Variants in ZBTB40 observed in about 807,000 individuals in gnomAD.
The protein encoded by ZBTB40 is zinc finger and BTB domain-containing protein 40.
In ZBTB40, 60 loss-of-function variants were observed where a neutral mutation model predicts 117.5. The ratio of observed to expected loss-of-function variants is 0.51; its 90% confidence interval spans 0.41 to 0.63. ZBTB40 has a LOEUF of 0.63. ZBTB40 is among the 30% of genes least tolerant of loss of function. The pLI is 0.00. For synonymous variants in ZBTB40, 525 were observed against 577.1 expected, an observed-to-expected ratio of 0.91 and a Z score of 1.29; for missense variants, 1,287 against 1,498.5, an observed-to-expected ratio of 0.86 and a Z score of 2.33.
chr1:22,444,306 G>C (rs1640765172), intron 1 of ZBTB40, among the ~76,000 whole-genome samples: 1 of 152,116 alleles, frequency 6.6e-6, no homozygotes, highest in Non-Finnish European at 1.5e-5. Flanking sequence ...TGTAGTCCTA[G>C]CTACTTGGGA....
intron 12 of ZBTB40, among the ~76,000 whole-genome samples, chr1:22,515,547 C>T (rs1219566417): frequency 2.0e-5 from 3 of 152,168 alleles, no homozygotes; most frequent in East Asian, 1.9e-4. Flanking sequence ...AGCCCCTAGA[C>T]GTTGCCCGCA....
intron 1 of ZBTB40, among the ~76,000 whole-genome samples, chr1:22,488,255 TA>T (rs1213900995): frequency 1.3e-5 from 2 of 152,202 alleles, no homozygotes; most frequent in African/African-American, 4.8e-5. Context: ...CAGCAGGTGA[TA>T]AAATTAAGTT....
chr1:22,490,153 G>A lies in ZBTB40; in HGVS notation c.205G>A (p.Glu69Lys). 2.5e-6 allele frequency: 4 copies of A among 1,614,034 alleles called. No individual in the cohort carries two copies. Among genetic ancestry groups the A allele is most frequent in the East Asian group, 2.2e-5 (1 of 44,902 alleles). The change falls in exon 2 of 18, where the codon GAG becomes AAG. Residue 69 changes from glutamate (E) to lysine (K), a missense_variant. Physicochemically the swap from Glu to Lys is moderately conservative, Grantham distance 56 (BLOSUM62 1). This residue lies in a region of ZBTB40 where 870 missense variants were observed against 934.4 expected (regional missense o/e 0.93). Coordinates refer to ENST00000375647, the MANE Select transcript of ZBTB40 (RefSeq NM_014870.4). ...CATCGATGCATCTGTGGTGAGCCCC[G>A]AGGAGTTTGCGCTCTTGTTGGAAAT... ...ISIDASVVSP[E>K]EFALLLEMMY...
chr1:22,458,658 C>T (rs753050684), intron 1 of ZBTB40, among the ~76,000 whole-genome samples: 1 of 152,196 alleles, frequency 6.6e-6, no homozygotes, highest in Non-Finnish European at 1.5e-5. Context: ...TAATTATCTT[C>T]TGTGTAGTTG....
intron 1 of ZBTB40, among the ~76,000 whole-genome samples, chr1:22,468,840 T>C (rs1407311767): frequency 6.6e-6 from 1 of 151,818 alleles, no homozygotes; most frequent in Non-Finnish European, 1.5e-5. Flanking sequence ...TTGGTTTGTT[T>C]AGTAGGGACA....
intron 15 of ZBTB40, 43 bp from the exon 16 acceptor site, chr1:22,522,334 C>A (rs1639548485): frequency 1.2e-6 from 2 of 1,600,808 alleles, no homozygotes; most frequent in Middle Eastern, 1.7e-4. Context: ...GAGAGCCAAC[C>A]ATTTGTTCTT....
In ZBTB40 at chr1:22,513,757, C is replaced by T. The variant is rs1639304300; in HGVS notation, c.2668+627C>T. Among the ~76,000 whole-genome samples, 1 of 152,148 alleles carries T rather than the reference C, an allele frequency of 6.6e-6. No individual in the cohort carries two copies. The highest frequency in any genetic ancestry group is 2.4e-5 in the African/African-American group (1 of 41,436). ...AAACAATGCACAACCTCTAGGCAAA[C>T]AGACGACTGGGAATAGCTCTGTGCA... On this transcript the variant is annotated intron_variant, in intron 12 of 17. Transcript: ENST00000375647. This position sits in a 1 kb window ranked among gnomAD's most constrained non-coding sequence, Gnocchi z 4.9.
intron 1 of ZBTB40, among the ~76,000 whole-genome samples, chr1:22,476,170 G>A (rs1348850201): frequency 1.3e-5 from 2 of 152,142 alleles, no homozygotes; most frequent in Non-Finnish European, 2.9e-5. Context: ...GTTCTCACTT[G>A]TACTTTTTCT....
chr1:22,497,713 G>C (rs938348340), intron 3 of ZBTB40, among the ~76,000 whole-genome samples: 1 of 152,168 alleles, frequency 6.6e-6, no homozygotes, highest in African/African-American at 2.4e-5. Flanking sequence ...AGTGTAAATA[G>C]ATTTGATTAT....
chr1:22,510,854 T>G (rs1639212734), intron 9 of ZBTB40, among the ~76,000 whole-genome samples: 1 of 152,218 alleles, frequency 6.6e-6, no homozygotes, highest in African/African-American at 2.4e-5. Context: ...CTTTTAGTAT[T>G]AAGATCCAGA....
Position 22,528,174 on chromosome 1 carries a change from C to G in ZBTB40, c.*1778C>G, listed in dbSNP as rs1252186994. On this transcript the variant is annotated 3_prime_UTR_variant, in exon 18 of 18. Coordinates refer to ENST00000375647, the MANE Select transcript of ZBTB40 (RefSeq NM_014870.4). ...TATTAAGGCTTTTCCGTCCTGGGAACTGTCAGTCTGGGAGAGCTCTTGATC... is the reference window on the plus strand; with the variant it reads ...TATTAAGGCTTTTCCGTCCTGGGAAGTGTCAGTCTGGGAGAGCTCTTGATC... 1 of 152,754 alleles carries G rather than the reference C, an allele frequency of 6.5e-6. No homozygotes were observed. Among genetic ancestry groups the G allele is most frequent in the African/African-American group, 2.4e-5 (1 of 41,444 alleles). 9.5% of individuals were successfully genotyped at this position (152,754 alleles called of 1,614,324 possible). A position where few individuals can be genotyped will look rare whatever the true frequency, so the allele number is the denominator to read the frequency against.
chr1:22,453,959 TA>T (rs1438011118), intron 1 of ZBTB40, among the ~76,000 whole-genome samples: 3 of 152,212 alleles, frequency 2.0e-5, no homozygotes, highest in African/African-American at 7.2e-5. Context: ...TTATTTTATT[TA>T]TTTTTTTGAG....
At chr1:22,514,699 A>G (rs898365124) in intron 12 of ZBTB40, among the ~76,000 whole-genome samples, 2 of 152,064 alleles carry the variant, frequency 1.3e-5, no homozygotes, top group African/African-American at 2.4e-5. Flanking sequence ...TTTTTCTCCC[A>G]TAGTGCTTCT....
intron 3 of ZBTB40, among the ~76,000 whole-genome samples, chr1:22,498,376 G>C (rs1426763737): frequency 1.3e-5 from 2 of 152,152 alleles, no homozygotes; most frequent in Non-Finnish European, 2.9e-5. Context: ...TGCAGAAAAG[G>C]GCCTGCTTGC....
intron 3 of ZBTB40, among the ~76,000 whole-genome samples, 186 bp from the exon 4 acceptor site, chr1:22,501,306 C>G (rs1221176623): frequency 6.6e-6 from 1 of 152,196 alleles, no homozygotes; most frequent in Admixed American, 6.5e-5. Flanking sequence ...CTCCAGAAGA[C>G]AGGGGCAGGA....
chr1:22,477,337 C>T (rs1030787152), intron 1 of ZBTB40, among the ~76,000 whole-genome samples: 34 of 152,094 alleles, frequency 2.2e-4, no homozygotes, highest in African/African-American at 7.7e-4. Flanking sequence ...ATATGCTAGG[C>T]ACTGTTTTAA....
At chr1:22,469,061 T>C (rs1181527956) in intron 1 of ZBTB40, among the ~76,000 whole-genome samples, 1 of 152,004 alleles carries the variant, frequency 6.6e-6, no homozygotes, top group Non-Finnish European at 1.5e-5. Flanking sequence ...ATTCCTTGTC[T>C]CAAGGGATCC....
chr1:22,514,614 T>TA (rs1394607888), intron 12 of ZBTB40, among the ~76,000 whole-genome samples: 1 of 152,210 alleles, frequency 6.6e-6, no homozygotes, highest in Non-Finnish European at 1.5e-5. Flanking sequence ...TACTCACACT[T>TA]ACCTTCTCTG....
rs181247418 is a variant in ZBTB40, at chr1:22,491,976, G to A, written c.831+443G>A. On this transcript the variant is annotated intron_variant, in intron 3 of 17. Transcript: ENST00000375647. ...CATCTAATATTTAGGAATAACAGTG[G>A]CCATTTTCAGACATAAAAACAGTAA... Among the ~76,000 whole-genome samples, 22 of 152,222 alleles carry A rather than the reference G, an allele frequency of 1.4e-4. No individual in the cohort carries two copies. In the East Asian group the frequency reaches 3.5e-3, roughly 24 times the overall value.
Sources: gnomAD v4.1 joint callset for allele counts (sites outside exome capture counted in the v4.1 genomes callset) on GRCh38, gnomAD v4.1.1 for gene constraint, gnomAD v4.1.1 regional missense constraint, Gnocchi (gnomAD v3.1) non-coding constraint, MANE v1.5 for transcripts, NCBI Gene and HGNC (gene_info 2026-07-23, HGNC 2026-07-21) for gene names.